The following SCN1A variants were observed in gnomAD, a reference collection of about 807,000 sequenced individuals.
SCN1A encodes sodium channel protein type 1 subunit alpha.
In SCN1A, 13 loss-of-function variants were observed where a neutral mutation model predicts 193.7. That is an observed-to-expected ratio of 0.07 (90% confidence interval 0.04 to 0.11). SCN1A has a LOEUF of 0.11. SCN1A is among the 10% of genes least tolerant of loss of function. SCN1A has a pLI of 1.00. For missense variants in SCN1A, 1,432 were observed against 2,451.1 expected, an observed-to-expected ratio of 0.58 and a Z score of 8.78; for synonymous variants, 781 against 843.6, an observed-to-expected ratio of 0.93 and a Z score of 1.29.
At chr2:166,037,388 T>A (rs1696527253) in intron 18 of SCN1A, among the ~76,000 whole-genome samples, 1 of 152,212 alleles carries the variant, frequency 6.6e-6, no homozygotes, top group Non-Finnish European at 1.5e-5. Flanking sequence ...TCTCTACTTT[T>A]TTTAGACTTC....
chr2:166,111,478 C>T (rs1689290759), intron 2 of SCN1A, among the ~76,000 whole-genome samples: 1 of 151,890 alleles, frequency 6.6e-6, no homozygotes, highest in Admixed American at 6.6e-5. Context: ...TTACCGCTGA[C>T]TGACAATGTT....
At chr2:166,063,455 A>T (rs773537872) in intron 4 of SCN1A, among the ~76,000 whole-genome samples, 2 of 152,076 alleles carry the variant, frequency 1.3e-5, no homozygotes, top group Non-Finnish European at 1.5e-5. Flanking sequence ...ATTTCAATTG[A>T]TGGCAATTCA....
downstream of SCN1A, chr2:165,985,598 CA>C (rs1412134390): frequency 3.3e-5 from 5 of 152,056 alleles, no homozygotes; most frequent in East Asian, 9.6e-4. Flanking sequence ...ATAAAGGACT[CA>C]AGCAGTTGAG....
At chr2:166,080,849 T>G (rs954723918) in intron 2 of SCN1A, among the ~76,000 whole-genome samples, 2 of 151,680 alleles carry the variant, frequency 1.3e-5, no homozygotes, top group African/African-American at 4.8e-5. Context: ...TCTGGTAATA[T>G]CTAACTGAAA....
intron 11 of SCN1A, among the ~76,000 whole-genome samples, 191 bp from the exon 12 acceptor site, chr2:166,047,167 C>T (rs1469450138): frequency 6.6e-6 from 1 of 152,024 alleles, no homozygotes; most frequent in Non-Finnish European, 1.5e-5. Flanking sequence ...TATGCATTCA[C>T]ACTATGATTT....
At chr2:166,060,608 A>C (rs1231211951) in intron 4 of SCN1A, 6 of 152,236 alleles carry the variant, frequency 3.9e-5, no homozygotes, top group Non-Finnish European at 5.9e-5. Context: ...CTGTAATCCC[A>C]GCACTTTGGG....
intron 2 of SCN1A, among the ~76,000 whole-genome samples, chr2:166,108,632 A>T (rs945360796): frequency 2.6e-5 from 4 of 152,304 alleles, no homozygotes; most frequent in Admixed American, 2.6e-4. Flanking sequence ...GTCAATTAAA[A>T]TGAATGAATA....
intron 22 of SCN1A, 45 bp downstream of exon 22, chr2:166,012,064 A>C: frequency 6.4e-7 from 1 of 1,565,928 alleles, no homozygotes; most frequent in Non-Finnish European, 8.8e-7. Flanking sequence ...AATATAAATA[A>C]GACAAGCTAC....
At chr2:166,072,010 G>A (rs1684480868) in intron 4 of SCN1A, 1 of 152,062 alleles carries the variant, frequency 6.6e-6, no homozygotes, top group African/African-American at 2.4e-5. Flanking sequence ...CTCCGAAACT[G>A]TAGCTGTCAA....
At chr2:166,055,948 G>C (rs945645615) in intron 6 of SCN1A, among the ~76,000 whole-genome samples, 2 of 152,124 alleles carry the variant, frequency 1.3e-5, no homozygotes, top group South Asian at 4.1e-4. Flanking sequence ...TGGTGACCAC[G>C]CTTGGAACTA....
At chr2:166,035,992 GTGTA>G in intron 19 of SCN1A, 52 bp downstream of exon 19, 2 of 1,533,592 alleles carry the variant, frequency 1.3e-6, no homozygotes, top group Non-Finnish European at 1.8e-6. Context: ...ATCTGTATGT[GTGTA>G]TATGTATATA....
chr2:166,013,879 C>G lies in SCN1A; in HGVS notation c.3570G>C (p.Lys1190Asn). Residue 1190 changes from lysine to asparagine, a missense_variant, in exon 21 of 29, where the codon AAG (lysine) becomes AAC (asparagine). Coordinates refer to ENST00000674923, the MANE Select transcript of SCN1A (RefSeq NM_001165963.4). The stretch of plus-strand genomic sequence containing the variant: ...CTTCTTCCACATTGATTTGACAACA[C>G]TTGAATCTTTGTACACAGCCTGCAG... The part of the protein sequence containing the change: ...CFTEGCVQRF[K>N]CCQINVEEGR... 1 of 1,611,902 alleles carries G rather than the reference C, an allele frequency of 6.2e-7. No homozygotes were observed. Among genetic ancestry groups the G allele is most frequent in the Non-Finnish European group, 8.5e-7 (1 of 1,178,512 alleles).
intron 23 of SCN1A, among the ~76,000 whole-genome samples, chr2:166,008,748 C>T (rs369641857): frequency 1.3e-5 from 2 of 150,944 alleles, no homozygotes; most frequent in South Asian, 2.1e-4. Context: ...GTCTACAATA[C>T]AGCTTAGTTT....
At chr2:166,020,670 C>T (rs546996610) in intron 19 of SCN1A, among the ~76,000 whole-genome samples, 13 of 152,024 alleles carry the variant, frequency 8.6e-5, no homozygotes, top group South Asian at 4.2e-4. Context: ...AACGTAACAC[C>T]GGTAAATCCC....
intron 19 of SCN1A, among the ~76,000 whole-genome samples, chr2:166,018,630 G>A (rs1300108496): frequency 6.6e-6 from 1 of 151,964 alleles, no homozygotes; most frequent in Non-Finnish European, 1.5e-5. Flanking sequence ...AAAAACCTGA[G>A]TTTTAAGTTT....
In SCN1A at chr2:166,047,758, C is replaced by T. The variant is rs1004939915; in HGVS notation, c.1039G>A (p.Glu347Lys). The T allele has an allele frequency of 6.2e-7, 1 of 1,613,390 alleles. No homozygotes were observed. Among genetic ancestry groups the T allele is most frequent in the Non-Finnish European group, 8.5e-7 (1 of 1,179,558 alleles). ...CCAGCTTTCACACACATATATCCCT[C>T]TGGACATTGGCTGCAAGTGGGGTAA... ...GNSSDAGQCP[E>K]GYMCVKAGRN... is the part of the protein sequence containing the mutation. The change falls in exon 11 of 29, where the codon GAG becomes AAG. Residue 347 changes from glutamate (E) to lysine (K), a missense_variant. By Grantham distance (56) the Glu-to-Lys change is moderately conservative. Around this residue, in one of 18 missense-constraint regions of SCN1A, gnomAD observed 11 missense variants for 70.9 expected, o/e 0.16. Coordinates refer to ENST00000674923, the MANE Select transcript of SCN1A (RefSeq NM_001165963.4).
intron 22 of SCN1A, among the ~76,000 whole-genome samples, chr2:166,010,572 A>C (rs993837437): frequency 6.6e-6 from 1 of 151,248 alleles, no homozygotes; most frequent in Non-Finnish European, 1.5e-5. Context: ...TAAAGGAAAA[A>C]TCTTACGTAT....
At chr2:166,055,705 A>C (rs1699064331) in intron 6 of SCN1A, among the ~76,000 whole-genome samples, 2 of 152,042 alleles carry the variant, frequency 1.3e-5, no homozygotes, top group Non-Finnish European at 2.9e-5. Flanking sequence ...CATTACAAAT[A>C]GGAAGTGTGG....
chr2:166,063,211 A>C (rs1436495121), intron 4 of SCN1A, among the ~76,000 whole-genome samples: 1 of 152,112 alleles, frequency 6.6e-6, no homozygotes, highest in Non-Finnish European at 1.5e-5. Flanking sequence ...CACGTGGATA[A>C]TTTTCTGCTT....
Sources: allele counts gnomAD v4.1 joint callset (sites outside exome capture counted in the v4.1 genomes callset), GRCh38; gene constraint gnomAD v4.1.1; regional missense constraint gnomAD v4.1.1; transcripts MANE v1.5; gene names NCBI Gene and HGNC (gene_info 2026-07-23, HGNC 2026-07-21).